The following ITGAM variants were observed in gnomAD, a reference collection of about 807,000 sequenced individuals.
ITGAM encodes the protein integrin subunit alpha M.
ITGAM carries 79 observed loss-of-function variants against 137.5 expected under a neutral mutation model. The observed-to-expected ratio is 0.57, with a 90% CI of 0.48 to 0.69. The LOEUF is 0.69. ITGAM is among the 30% of genes least tolerant of loss of function. The pLI is 0.00. For synonymous variants in ITGAM, 583 were observed against 592.3 expected (o/e 0.98, Z 0.23); for missense variants, 1,343 against 1,483.5 (o/e 0.91, Z 1.56).
Position 31,281,292 on chromosome 16 carries a change from T to C in ITGAM, c.1356+3183T>C, listed in dbSNP as rs541666447. The stretch of plus-strand genomic sequence containing the variant: ...TTGACTGGAATAGTTTCAGAAGGAA[T>C]GGTACCATCTCCTCCTTGTACCTCT... On this transcript the variant is annotated intron_variant, in intron 12 of 29. Coordinates refer to ENST00000544665, the MANE Select transcript of ITGAM (RefSeq NM_000632.4). Among the ~76,000 whole-genome samples, 17 of 152,314 alleles carry C rather than the reference T, an allele frequency of 1.1e-4. No homozygotes were observed. The South Asian group carries it at 1.9e-3, about 17-fold the overall frequency.
At chr16:31,275,465 C>T (rs2144304693) in intron 8 of ITGAM, 84 bp from the exon 9 acceptor site, 1 of 1,382,762 alleles carries the variant, frequency 7.2e-7, no homozygotes. Context: ...AATAATGGTT[C>T]AGACTAGTTT....
intron 14 of ITGAM, among the ~76,000 whole-genome samples, chr16:31,318,907 T>C (rs566330037): frequency 6.6e-6 from 1 of 152,306 alleles, no homozygotes; most frequent in African/African-American, 2.4e-5. Context: ...GTTTGGTATA[T>C]TGTGTTTTTG....
chr16:31,268,960 C>T (rs1255041794), intron 5 of ITGAM, among the ~76,000 whole-genome samples: 4 of 152,096 alleles, frequency 2.6e-5, no homozygotes, highest in Non-Finnish European at 5.9e-5. Context: ...AGCAGAATTG[C>T]GATAGAGAAA....
intron 14 of ITGAM, among the ~76,000 whole-genome samples, chr16:31,310,623 C>T (rs1397414523): frequency 6.6e-6 from 1 of 152,236 alleles, no homozygotes; most frequent in Non-Finnish European, 1.5e-5. Flanking sequence ...TTTTTAACTT[C>T]TTTGCCATTG....
chr16:31,285,787 T>C (rs1358796354), intron 12 of ITGAM, among the ~76,000 whole-genome samples: 2 of 151,952 alleles, frequency 1.3e-5, no homozygotes, highest in Non-Finnish European at 2.9e-5. Context: ...TTTCTTTTTC[T>C]TTTCTTTTCT....
In ITGAM at chr16:31,331,931, A is replaced by G; in HGVS notation, c.*224A>G. The G allele has an allele frequency of 1.8e-6, 1 of 557,116 alleles. No individual in the cohort carries two copies. Among genetic ancestry groups the G allele is most frequent in the East Asian group, 3.1e-5 (1 of 32,082 alleles). The allele number at this position is 557,116 out of a possible 1,614,324, so 34.5% of individuals were successfully genotyped here. Reference sequence around the variant, plus strand: ...TGCGTGCATGTGCACTTGCACGCCCATGTGTGAGTGTGTGCAAGTATGTGA... The same window carrying G: ...TGCGTGCATGTGCACTTGCACGCCCGTGTGTGAGTGTGTGCAAGTATGTGA... On this transcript the variant is annotated 3_prime_UTR_variant, in exon 30 of 30. Transcript: ENST00000544665.
At chr16:31,327,942 AG>A in intron 22 of ITGAM, 1 of 572,010 alleles carries the variant, frequency 1.7e-6, no homozygotes, top group Non-Finnish European at 3.1e-6. Flanking sequence ...TCAGGGGACC[AG>A]TTAGAAGAAG....
At position 31,329,792 on chromosome 16, in the gene ITGAM, G is replaced by A. The variant is rs770240207; in HGVS notation, c.2869-6G>A. 2 of 1,551,856 alleles carry A rather than the reference G, an allele frequency of 1.3e-6. No homozygotes were observed. The highest frequency in any genetic ancestry group is 1.7e-6 in the Non-Finnish European group (2 of 1,147,344). ...CAGAGCCCTGACCCCGCCCTCCCCG[G>A]TGCAGGTCAGCAACCTGGGGCAGAG... On this transcript the variant is annotated splice_region_variant and splice_polypyrimidine_tract_variant and intron_variant, in intron 24 of 29. Transcript: ENST00000544665.
At position 31,261,690 on chromosome 16, in the gene ITGAM, A is replaced by T; in HGVS notation, c.29-2A>T. The stretch of plus-strand genomic sequence containing the variant: ...TTGATCCTTCCCCCATTCTCCCTTT[A>T]GCCTTGACCTTATGTCATGGGTTCA... On this transcript the variant is annotated splice_acceptor_variant, in intron 1 of 29. Transcript: ENST00000544665. LOFTEE classifies it high-confidence loss of function. 6.2e-7 allele frequency: 1 copy of T among 1,602,962 alleles called. No individual in the cohort carries two copies. The highest frequency in any genetic ancestry group is 8.5e-7 in the Non-Finnish European group (1 of 1,172,696).
chr16:31,268,224 C>T lies in ITGAM; in HGVS notation c.427+2077C>T, dbSNP rs1045560341. 2.6e-5 allele frequency among the ~76,000 whole-genome samples: 4 copies of T among 152,182 alleles called. No homozygotes were observed. In the South Asian group the frequency reaches 6.2e-4, roughly 24 times the overall value. On this transcript the variant is annotated intron_variant, in intron 5 of 29. Transcript: ENST00000544665. ...GGGTTCTGGGTTCTCTTTTCACCCA[C>T]GTGTTCTTCTTTCCTGAAATCACCC...
intron 12 of ITGAM, among the ~76,000 whole-genome samples, chr16:31,289,173 C>T (rs1296007036): frequency 6.6e-6 from 1 of 152,158 alleles, no homozygotes; most frequent in Non-Finnish European, 1.5e-5. Context: ...TAAACTAGTT[C>T]AACCATTGTG....
chr16:31,307,299 T>G (rs1180225429), intron 14 of ITGAM, among the ~76,000 whole-genome samples: 1 of 152,232 alleles, frequency 6.6e-6, no homozygotes, highest in Non-Finnish European at 1.5e-5. Context: ...TTCTTCCATT[T>G]GTTTGTATCC....
At chr16:31,320,445 G>C (rs910821521) in intron 14 of ITGAM, among the ~76,000 whole-genome samples, 2 of 151,714 alleles carry the variant, frequency 1.3e-5, no homozygotes, top group East Asian at 3.9e-4. Flanking sequence ...TTATTATTTG[G>C]CTGTCATTTT....
chr16:31,291,644 A>T (rs1318260602), intron 12 of ITGAM, among the ~76,000 whole-genome samples: 1 of 152,082 alleles, frequency 6.6e-6, no homozygotes, highest in East Asian at 1.9e-4. Context: ...CAATAACAGG[A>T]TTGGAACTGG....
chr16:31,285,963 C>T (rs771697635), intron 12 of ITGAM, among the ~76,000 whole-genome samples: 30 of 152,034 alleles, frequency 2.0e-4, no homozygotes, highest in Middle Eastern at 3.2e-3. Flanking sequence ...TGAACCACTG[C>T]GCCTGGCCCA....
chr16:31,265,247 T>G lies in ITGAM; in HGVS notation c.135-148T>G, dbSNP rs374521571. On this transcript the variant is annotated intron_variant, in intron 2 of 29. Coordinates refer to ENST00000544665, the MANE Select transcript of ITGAM (RefSeq NM_000632.4). ...TTCTGAGTCTTAACATTTTCCCATT[T>G]TTTTCTTTGCTAATTCTTCCTCCTA... 17 of 491,128 alleles carry G rather than the reference T, an allele frequency of 3.5e-5. No homozygotes were observed. The Admixed American group carries it at 3.8e-4, about 11-fold the overall frequency. The allele number at this position is 491,128 out of a possible 1,614,324, so 30.4% of individuals were successfully genotyped here. A position where few individuals can be genotyped will look rare whatever the true frequency, so the allele number is the denominator to read the frequency against.
Position 31,276,524 on chromosome 16 carries a change from G to T in ITGAM, c.1010-147G>T, listed in dbSNP as rs1170082064. ...TTTTTGTATTTTTAGTAGAGACGGG[G>T]TTTCACCATGTTCACCAGACTGGTC... On this transcript the variant is annotated intron_variant, in intron 9 of 29. Coordinates refer to ENST00000544665, the MANE Select transcript of ITGAM (RefSeq NM_000632.4). 1.8e-5 allele frequency: 11 copies of T among 606,396 alleles called. No individual in the cohort carries two copies. In the East Asian group the frequency reaches 2.9e-4, roughly 16 times the overall value. The allele number at this position is 606,396 out of a possible 1,614,324, so 37.6% of individuals were successfully genotyped here.
At chr16:31,315,582 C>G (rs776259664) in intron 14 of ITGAM, among the ~76,000 whole-genome samples, 7 of 152,040 alleles carry the variant, frequency 4.6e-5, no homozygotes, top group Non-Finnish European at 1.0e-4. Context: ...CTCAGCCTCC[C>G]AAGTAGCTGG....
intron 11 of ITGAM, among the ~76,000 whole-genome samples, 191 bp downstream of exon 11, chr16:31,277,240 G>A (rs7206534): frequency 0.058 from 8,736 of 151,828 alleles, 847 homozygotes; most frequent in African/African-American, 0.2. Context: ...CTTGTCGCCC[G>A]GGCTGTAGTG....
Sources: allele counts gnomAD v4.1 joint callset (sites outside exome capture counted in the v4.1 genomes callset), GRCh38; gene constraint gnomAD v4.1.1; transcripts MANE v1.5; gene names NCBI Gene and HGNC (gene_info 2026-07-23, HGNC 2026-07-21).